The following WASF3 variants were observed in gnomAD, a reference collection of about 807,000 sequenced individuals.
WASF3 encodes the protein actin-binding protein WASF3.
WASF3 carries 11 observed loss-of-function variants against 46.6 expected under a neutral mutation model. That is an observed-to-expected ratio of 0.24 (90% CI 0.15 to 0.39). The LOEUF (loss-of-function observed/expected upper bound fraction) is 0.39. WASF3 is among the 10% of genes least tolerant of loss of function. The pLI is 1.00. For synonymous variants in WASF3, 242 were observed against 259.7 expected, an observed-to-expected ratio of 0.93 and a Z score of 0.65; for missense variants, 576 against 669.8, an observed-to-expected ratio of 0.86 and a Z score of 1.55.
chr13:26,662,563 G>T (rs1214086518), intron 3 of WASF3, among the ~76,000 whole-genome samples: 1 of 152,174 alleles, frequency 6.6e-6, no homozygotes, highest in Non-Finnish European at 1.5e-5. Flanking sequence ...ACCAAATACT[G>T]CCTGTTCTCA....
chr13:26,646,437 C>T (rs1882152929), intron 3 of WASF3, among the ~76,000 whole-genome samples: 2 of 152,008 alleles, frequency 1.3e-5, no homozygotes, highest in African/African-American at 4.8e-5. Flanking sequence ...TTTTTAAATT[C>T]CTTTGGGTAC....
intron 1 of WASF3, among the ~76,000 whole-genome samples, chr13:26,596,149 G>T (rs1593138072): frequency 5.4e-5 from 7 of 130,110 alleles, no homozygotes; most frequent in Admixed American, 8.0e-5. Flanking sequence ...ACCAGACTTT[G>T]GTATTATCAC....
intron 2 of WASF3, among the ~76,000 whole-genome samples, chr13:26,616,009 A>C (rs540383944): frequency 4.1e-4 from 63 of 152,308 alleles, no homozygotes; most frequent in African/African-American, 1.5e-3. Flanking sequence ...TTGTTTGTCC[A>C]TTCACCTGCT....
At position 26,642,263 on chromosome 13, in the gene WASF3, T is replaced by G. The variant is rs78096373; in HGVS notation, c.-8T>G. ...AAGAATGTGTTTTCAATTTTCAGAT[T>G]GTGAACCATGCCTTTAGTGAAGAGG... On this transcript the variant is annotated splice_region_variant and 5_prime_UTR_variant, in exon 3 of 10. The change creates a new upstream start codon in the 5' untranslated region. Coordinates refer to ENST00000335327, the MANE Select transcript of WASF3 (RefSeq NM_006646.6). The G allele has an allele frequency of 6.5e-7, 1 of 1,548,718 alleles. No individual in the cohort carries two copies. The highest frequency in any genetic ancestry group is 1.4e-5 in the African/African-American group (1 of 71,226).
At chr13:26,576,633 G>A (rs890236219) in intron 1 of WASF3, among the ~76,000 whole-genome samples, 12 of 152,194 alleles carry the variant, frequency 7.9e-5, no homozygotes, top group African/African-American at 2.9e-4. Flanking sequence ...AAAGGTCTAA[G>A]TCAGTGGTTC....
At chr13:26,596,005 G>A (rs1438788843) in intron 1 of WASF3, among the ~76,000 whole-genome samples, 1 of 152,034 alleles carries the variant, frequency 6.6e-6, no homozygotes, top group Non-Finnish European at 1.5e-5. Flanking sequence ...AAATACCCAT[G>A]AATGTGATTA....
chr13:26,624,852 G>T (rs1881417332), intron 2 of WASF3, among the ~76,000 whole-genome samples: 1 of 152,006 alleles, frequency 6.6e-6, no homozygotes, highest in African/African-American at 2.4e-5. Flanking sequence ...AGTATCAAGA[G>T]AAAAAGCTCA....
At position 26,578,993 on chromosome 13, in the gene WASF3, C is replaced by CTTTTTTTTTTTTTTTTTTTTTTT. The variant is rs200299739; in HGVS notation, c.-109+21175_-109+21197dup. Among the ~76,000 whole-genome samples, 96 of 60,632 alleles carry CTTTTTTTTTTTTTTTTTTTTTTT rather than the reference C, an allele frequency of 1.6e-3. 18 individuals carry two copies. Among genetic ancestry groups the CTTTTTTTTTTTTTTTTTTTTTTT allele is most frequent in the African/African-American group, 4.1e-3 (54 of 13,028 alleles). The allele number at this position is 60,632 out of a possible 152,430, so 39.8% of individuals were successfully genotyped here. On this transcript the variant is annotated intron_variant, in intron 1 of 9. Transcript: ENST00000335327. The stretch of plus-strand genomic sequence containing the variant: ...ACCTTATATTCTTGGGATACATTTC[C>CTTTTTTTTTTTTTTTTTTTTTTT]TTTTTTTTTTTTTTTTTTTTTTTGT...
At chr13:26,660,446 G>T (rs9553877) in intron 3 of WASF3, among the ~76,000 whole-genome samples, 1 of 151,976 alleles carries the variant, frequency 6.6e-6, no homozygotes, top group South Asian at 2.1e-4. Context: ...TGAGGCCTGA[G>T]AACTGGCCCT....
chr13:26,559,811 T>TCTTTCTTTCTTTCTTTCTTTCTTTC (rs545438991), intron 1 of WASF3, among the ~76,000 whole-genome samples: 2 of 83,214 alleles, frequency 2.4e-5, no homozygotes, highest in African/African-American at 9.5e-5. Context: ...TTTCTTTCTT[T>TCTTTCTTTCTTTCTTTCTTTCTTTC]TTTTTTTTTT....
Position 26,565,128 on chromosome 13 carries a change from T to C in WASF3, c.-109+7309T>C, listed in dbSNP as rs1357405271. Among the ~76,000 whole-genome samples, 100 of 144,628 alleles carry C rather than the reference T, an allele frequency of 6.9e-4. 2 individuals are homozygous for C. The highest frequency in any genetic ancestry group is 6.7e-4 in the Non-Finnish European group (45 of 66,916). 94.9% of individuals were successfully genotyped at this position (144,628 alleles called of 152,430 possible). On this transcript the variant is annotated intron_variant, in intron 1 of 9. Coordinates refer to ENST00000335327, the MANE Select transcript of WASF3 (RefSeq NM_006646.6). Reference sequence around the variant, plus strand: ...CCGGGAGGTGGTGGCTGCAGTGAGGTGAGATCACACCACTGTACTCCAGCC... The same window carrying C: ...CCGGGAGGTGGTGGCTGCAGTGAGGCGAGATCACACCACTGTACTCCAGCC...
chr13:26,671,761 G>A, intron 5 of WASF3, 111 bp from the exon 6 acceptor site: 1 of 685,524 alleles, frequency 1.5e-6, no homozygotes, highest in Admixed American at 3.0e-5. Flanking sequence ...GAGTTTAAGT[G>A]CCCCATGTAG....
the WASF3 span, among the ~76,000 whole-genome samples, chr13:26,539,526 AT>A: frequency 1.3e-5 from 2 of 152,170 alleles, no homozygotes; most frequent in Non-Finnish European, 2.9e-5. Flanking sequence ...AAATAAAAAA[AT>A]ATGTCCCTCA....
intron 4 of WASF3, among the ~76,000 whole-genome samples, chr13:26,666,375 CAT>C (rs368881195): frequency 0.011 from 1,620 of 152,276 alleles, 18 homozygotes; most frequent in Middle Eastern, 0.017. Flanking sequence ...TTTTATAGTA[CAT>C]GTCATATCTT....
intron 1 of WASF3, among the ~76,000 whole-genome samples, chr13:26,595,260 C>T (rs773343510): frequency 2.6e-5 from 4 of 152,214 alleles, no homozygotes; most frequent in Non-Finnish European, 5.9e-5. Context: ...AGAACTTCAG[C>T]ATCTTTTTAA....
chr13:26,589,612 T>C (rs551852252), intron 1 of WASF3, among the ~76,000 whole-genome samples: 3 of 152,320 alleles, frequency 2.0e-5, no homozygotes, highest in South Asian at 2.1e-4. Flanking sequence ...GTTAATACTT[T>C]TAGAATGATT....
chr13:26,582,337 C>T (rs150143914), intron 1 of WASF3, among the ~76,000 whole-genome samples: 72 of 152,012 alleles, frequency 4.7e-4, no homozygotes, highest in Non-Finnish European at 5.0e-4. Context: ...CTGTGTGATT[C>T]GGGGACATTT....
chr13:26,612,090 C>G (rs1382168067), intron 1 of WASF3, among the ~76,000 whole-genome samples: 1 of 152,158 alleles, frequency 6.6e-6, no homozygotes, highest in Non-Finnish European at 1.5e-5. Context: ...GGCCGCTGTT[C>G]TCTCGCTTTC....
chr13:26,684,319 A>G (rs1883335283), intron 9 of WASF3, among the ~76,000 whole-genome samples: 1 of 151,844 alleles, frequency 6.6e-6, no homozygotes, highest in Admixed American at 6.6e-5. Context: ...CCAAGAGTAG[A>G]TACATAATCT....
Sources: gnomAD v4.1 joint callset for allele counts (sites outside exome capture counted in the v4.1 genomes callset) on GRCh38, gnomAD v4.1.1 for gene constraint, MANE v1.5 for transcripts, NCBI Gene and HGNC (gene_info 2026-07-23, HGNC 2026-07-21) for gene names.